Variants in MGAT4C observed in about 807,000 individuals in gnomAD.
The protein encoded by MGAT4C is alpha-1,3-mannosyl-glycoprotein 4-beta-N-acetylglucosaminyltransferase C.
Under a neutral mutation model 40.1 loss-of-function variants are expected in MGAT4C, and 19 were observed. That is an observed-to-expected ratio of 0.47 (90% CI 0.33 to 0.70). The LOEUF (loss-of-function observed/expected upper bound fraction) is 0.70, where lower values mean the gene tolerates loss of function less well. MGAT4C is among the 30% of genes least tolerant of loss of function. The pLI, the probability that MGAT4C is intolerant of heterozygous loss-of-function variation, is 0.02. For synonymous variants in MGAT4C, 181 were observed against 187.1 expected (o/e 0.97, Z 0.27); for missense variants, 491 against 563.2 (o/e 0.87, Z 1.30).
chr12:86,724,360 T>C (rs1314769964), intron 2 of MGAT4C, among the ~76,000 whole-genome samples: 1 of 152,204 alleles, frequency 6.6e-6, no homozygotes, highest in South Asian at 2.1e-4. Context: ...TAGGCATCTC[T>C]AATAATTTTC....
intron 1 of MGAT4C, among the ~76,000 whole-genome samples, chr12:86,733,037 G>A (rs1266250915): frequency 6.6e-6 from 1 of 151,918 alleles, no homozygotes; most frequent in African/African-American, 2.4e-5. Flanking sequence ...CATAATAGAC[G>A]AAGATTTGGA....
At chr12:86,023,705 C>T (rs900227184) in intron 2 of MGAT4C, among the ~76,000 whole-genome samples, 1 of 150,372 alleles carries the variant, frequency 6.7e-6, no homozygotes, top group Admixed American at 6.6e-5. Context: ...TTGTTTGTAG[C>T]CACTTGAAGC....
intron 1 of MGAT4C, among the ~76,000 whole-genome samples, chr12:86,822,967 T>C (rs916590703): frequency 1.3e-5 from 2 of 150,964 alleles, no homozygotes; most frequent in African/African-American, 4.8e-5. Context: ...TCTTTTCTGA[T>C]CACAATAGAA....
intron 4 of MGAT4C, among the ~76,000 whole-genome samples, chr12:86,309,450 C>T (rs1025745214): frequency 6.6e-6 from 1 of 152,126 alleles, no homozygotes; most frequent in Non-Finnish European, 1.5e-5. Context: ...CTTCTTGCTG[C>T]ATCATAACAT....
At chr12:86,104,992 T>C (rs1875883525) in intron 1 of MGAT4C, among the ~76,000 whole-genome samples, 1 of 152,160 alleles carries the variant, frequency 6.6e-6, no homozygotes, top group African/African-American at 2.4e-5. Context: ...TGGTACTAAA[T>C]TTAGAACACA....
intron 2 of MGAT4C, among the ~76,000 whole-genome samples, chr12:86,578,213 C>A (rs1960639991): frequency 6.6e-6 from 1 of 151,714 alleles, no homozygotes; most frequent in African/African-American, 2.4e-5. Context: ...GGCAGAATTG[C>A]TCTCACAGGC....
intron 2 of MGAT4C, among the ~76,000 whole-genome samples, chr12:86,553,749 T>C (rs1959475350): frequency 6.6e-6 from 1 of 152,178 alleles, no homozygotes; most frequent in Non-Finnish European, 1.5e-5. Context: ...TCTCAAATGC[T>C]AAATCATTGC....
intron 4 of MGAT4C, among the ~76,000 whole-genome samples, chr12:86,266,199 C>T (rs1261866120): frequency 1.3e-5 from 2 of 152,172 alleles, no homozygotes; most frequent in Non-Finnish European, 2.9e-5. Flanking sequence ...TGCAAGCGGG[C>T]ATTCTTGTCT....
chr12:85,990,555 T>C (rs2136722929), intron 2 of MGAT4C, among the ~76,000 whole-genome samples: 1 of 152,262 alleles, frequency 6.6e-6, no homozygotes, highest in Admixed American at 6.5e-5. Flanking sequence ...GAACTATGCC[T>C]AGAACATAGC....
chr12:86,827,161 A>AT (rs1952823904), intron 1 of MGAT4C, among the ~76,000 whole-genome samples: 1 of 151,388 alleles, frequency 6.6e-6, no homozygotes, highest in South Asian at 2.1e-4. Flanking sequence ...ATCTAAAATC[A>AT]TTTTAATTGA....
intron 2 of MGAT4C, among the ~76,000 whole-genome samples, chr12:86,570,309 A>ATTTG (rs56806451): frequency 0.82 from 123,758 of 151,620 alleles, 50,887 homozygotes; most frequent in East Asian, 0.96. Flanking sequence ...AATATATAAT[A>ATTTG]TTTGTCAATT....
At chr12:86,046,799 T>C (rs957458861) in intron 2 of MGAT4C, among the ~76,000 whole-genome samples, 1 of 152,172 alleles carries the variant, frequency 6.6e-6, no homozygotes, top group Non-Finnish European at 1.5e-5. Flanking sequence ...TACATGATGT[T>C]TGATATCAAA....
chr12:86,432,336 T>C, intron 3 of MGAT4C, among the ~76,000 whole-genome samples: 1 of 152,082 alleles, frequency 6.6e-6, no homozygotes, highest in East Asian at 1.9e-4. Context: ...AAGTAGCAGA[T>C]ACATGGATGG....
chr12:86,648,913 GA>G (rs1963620983), intron 2 of MGAT4C, among the ~76,000 whole-genome samples: 1 of 151,508 alleles, frequency 6.6e-6, no homozygotes, highest in Non-Finnish European at 1.5e-5. Flanking sequence ...TCTCTCTATA[GA>G]TTTTTTTCCT....
chr12:85,981,301 T>C (rs1170850370), intron 4 of MGAT4C, among the ~76,000 whole-genome samples: 1 of 152,208 alleles, frequency 6.6e-6, no homozygotes, highest in Admixed American at 6.5e-5. Context: ...ATATTTTCAC[T>C]TTTTAAAGCT....
At chr12:86,686,852 A>G (rs146987738) in intron 2 of MGAT4C, among the ~76,000 whole-genome samples, 281 of 152,298 alleles carry the variant, frequency 1.8e-3, no homozygotes, top group Non-Finnish European at 3.3e-3. Context: ...GTCCTCATAC[A>G]ATGTGTTAGG....
chr12:86,571,439 C>A (rs1328700419), intron 2 of MGAT4C, among the ~76,000 whole-genome samples: 2 of 151,864 alleles, frequency 1.3e-5, no homozygotes, highest in Non-Finnish European at 2.9e-5. Context: ...TGTATATATA[C>A]ACATACACTA....
At chr12:86,724,939 T>G (rs1324623732) in intron 2 of MGAT4C, among the ~76,000 whole-genome samples, 1 of 152,180 alleles carries the variant, frequency 6.6e-6, no homozygotes, top group Non-Finnish European at 1.5e-5. Flanking sequence ...AATGCATTTT[T>G]TTAACTAGCT....
chr12:85,981,407 A>G (rs1409154813), intron 4 of MGAT4C, among the ~76,000 whole-genome samples: 1 of 152,172 alleles, frequency 6.6e-6, no homozygotes, highest in African/African-American at 2.4e-5. Context: ...TTAATATAGC[A>G]CCTGTATAAT....
Sources: allele counts gnomAD v4.1 joint callset (sites outside exome capture counted in the v4.1 genomes callset), GRCh38; gene constraint gnomAD v4.1.1; transcripts MANE v1.5; gene names NCBI Gene and HGNC (gene_info 2026-07-23, HGNC 2026-07-21).